PLSCR2: variants seen among roughly 807,000 people sequenced by gnomAD.
The protein encoded by PLSCR2 is phospholipid scramblase 2.
In PLSCR2, 18 loss-of-function variants were observed where a neutral mutation model predicts 25.3. That is an observed-to-expected ratio of 0.71 (90% CI 0.49 to 1.06). PLSCR2 has a LOEUF of 1.06. Among genes scored for constraint, PLSCR2 ranks in the 50% least tolerant of loss-of-function variants. The pLI is 0.00. For missense variants in PLSCR2, 243 were observed against 269.5 expected (o/e 0.90, Z 0.69); for synonymous variants, 88 against 87.3 (o/e 1.01, Z -0.04).
intron 2 of PLSCR2, among the ~76,000 whole-genome samples, chr3:146,417,040 A>AC (rs2039021357): frequency 6.6e-6 from 1 of 152,200 alleles, no homozygotes; most frequent in Non-Finnish European, 1.5e-5. Context: ...TCATCTTAAA[A>AC]TGAGGTTTGA....
intron 2 of PLSCR2, among the ~76,000 whole-genome samples, chr3:146,396,493 G>A (rs2038278565): frequency 6.6e-6 from 1 of 152,194 alleles, no homozygotes; most frequent in African/African-American, 2.4e-5. Flanking sequence ...GTGCTATCAT[G>A]TAGTACAACT....
chr3:146,399,889 C>T (rs1302930086), intron 2 of PLSCR2, among the ~76,000 whole-genome samples: 1 of 151,496 alleles, frequency 6.6e-6, no homozygotes, highest in Non-Finnish European at 1.5e-5. Context: ...AGGAAGACTG[C>T]TAAGTCAATA....
At chr3:146,445,020 GAACA>G (rs1296876475) in intron 6 of PLSCR2, among the ~76,000 whole-genome samples, 3 of 151,908 alleles carry the variant, frequency 2.0e-5, no homozygotes, top group Non-Finnish European at 4.4e-5. Flanking sequence ...CTGATTGCAT[GAACA>G]AACAAAGAGA....
intron 1 of PLSCR2, among the ~76,000 whole-genome samples, chr3:146,472,583 G>C (rs1208120076): frequency 6.6e-6 from 1 of 152,104 alleles, no homozygotes; most frequent in Non-Finnish European, 1.5e-5. Context: ...GAAGGGACGA[G>C]GGATCTCTCT....
chr3:146,456,206 G>A (rs949228241), intron 3 of PLSCR2, among the ~76,000 whole-genome samples: 5 of 152,182 alleles, frequency 3.3e-5, no homozygotes, highest in Non-Finnish European at 7.3e-5. Context: ...GCAAAATGCT[G>A]ATGCTCACAT....
At chr3:146,392,351 C>T (rs2038107559) in intron 3 of PLSCR2, among the ~76,000 whole-genome samples, 1 of 152,034 alleles carries the variant, frequency 6.6e-6, no homozygotes, top group African/African-American at 2.4e-5. Context: ...ATTGAGCATA[C>T]ATCATTAGAA....
At chr3:146,393,222 G>A (rs1310910198) in intron 3 of PLSCR2, among the ~76,000 whole-genome samples, 1 of 150,926 alleles carries the variant, frequency 6.6e-6, no homozygotes, top group Admixed American at 6.6e-5. Context: ...CAGAGACAGG[G>A]TTTCACCGTG....
intron 6 of PLSCR2, among the ~76,000 whole-genome samples, chr3:146,445,296 T>A (rs1292621759): frequency 7.9e-5 from 12 of 152,190 alleles, no homozygotes; most frequent in Non-Finnish European, 1.5e-4. Context: ...CTCATTAACA[T>A]CTGCTTTCAG....
intron 1 of PLSCR2, among the ~76,000 whole-genome samples, chr3:146,473,729 T>C (rs1042212179): frequency 6.6e-6 from 1 of 152,232 alleles, no homozygotes; most frequent in Non-Finnish European, 1.5e-5. Flanking sequence ...TTAGTATCCC[T>C]CAGATTCACC....
chr3:146,478,118 A>T (rs1279294620), intron 1 of PLSCR2, among the ~76,000 whole-genome samples: 1 of 152,212 alleles, frequency 6.6e-6, no homozygotes, highest in African/African-American at 2.4e-5. Context: ...CCAACATCAA[A>T]GACCAACGCA....
At chr3:146,441,916 G>T (rs987164115) in intron 6 of PLSCR2, 95 bp from the exon 7 acceptor site, 2 of 743,656 alleles carry the variant, frequency 2.7e-6, no homozygotes, top group African/African-American at 1.8e-5. Flanking sequence ...ACAGTTAATT[G>T]TCTGTTAAAT....
intron 8 of PLSCR2, 117 bp from the exon 8 acceptor site, chr3:146,433,634 C>T (rs2039643403): frequency 6.6e-6 from 1 of 152,130 alleles, no homozygotes. Context: ...GCAAGCCCTC[C>T]CCTTCTCTAA....
intron 1 of PLSCR2, among the ~76,000 whole-genome samples, chr3:146,473,093 A>G (rs1226639143): frequency 6.6e-6 from 1 of 152,124 alleles, no homozygotes; most frequent in African/African-American, 2.4e-5. Context: ...TCTCCTTATT[A>G]TATCTGTCTA....
intron 1 of PLSCR2, among the ~76,000 whole-genome samples, chr3:146,483,509 A>ATATATACATGTGTATATATATAT: frequency 7.9e-6 from 1 of 127,074 alleles, no homozygotes; most frequent in Admixed American, 7.9e-5. Context: ...ATATATATAT[A>ATATATACATGTGTATATATATAT]ATGTTACTAC....
At chr3:146,407,690 T>C (rs948607308) in intron 2 of PLSCR2, among the ~76,000 whole-genome samples, 2 of 152,312 alleles carry the variant, frequency 1.3e-5, no homozygotes, top group Admixed American at 6.5e-5. Flanking sequence ...CTGGTGTCAG[T>C]GTAAACGTTA....
At chr3:146,490,699 A>G (rs765209813) in intron 1 of PLSCR2, among the ~76,000 whole-genome samples, 7 of 152,044 alleles carry the variant, frequency 4.6e-5, no homozygotes, top group Non-Finnish European at 8.8e-5. Flanking sequence ...CATTTGCTTA[A>G]TAGATATTTC....
At chr3:146,402,108 G>A (rs1311607423) in intron 2 of PLSCR2, among the ~76,000 whole-genome samples, 3 of 151,690 alleles carry the variant, frequency 2.0e-5, no homozygotes, top group African/African-American at 7.3e-5. Flanking sequence ...AAAAGTTTTA[G>A]GCATCAAATG....
chr3:146,474,496 G>C (rs905595475), intron 1 of PLSCR2, among the ~76,000 whole-genome samples: 20 of 152,138 alleles, frequency 1.3e-4, no homozygotes, highest in Non-Finnish European at 4.4e-5. Context: ...TTTCTGCTGA[G>C]AGGTCTGTTT....
At chr3:146,487,024 T>A (rs1217372017) in intron 1 of PLSCR2, among the ~76,000 whole-genome samples, 1 of 152,134 alleles carries the variant, frequency 6.6e-6, no homozygotes, top group Non-Finnish European at 1.5e-5. Flanking sequence ...TGCAAATCAA[T>A]AAACATAATT....
Sources: allele counts gnomAD v4.1 joint callset (sites outside exome capture counted in the v4.1 genomes callset), GRCh38; gene constraint gnomAD v4.1.1; transcripts MANE v1.5; gene names NCBI Gene and HGNC (gene_info 2026-07-23, HGNC 2026-07-21).